The following PABIR3 variants were observed in gnomAD, a reference collection of about 807,000 sequenced individuals.
The protein encoded by PABIR3 is PABIR family member 1.
PABIR3 carries 20 observed loss-of-function variants against 23.1 expected under a neutral mutation model. The ratio of observed to expected loss-of-function variants is 0.86; its 90% CI spans 0.61 to 1.26. The LOEUF (loss-of-function observed/expected upper bound fraction) is 1.26, where lower values mean the gene tolerates loss of function less well. Ranked by LOEUF, PABIR3 falls within the 50% of genes most tolerant of loss-of-function variation. The pLI, the probability that PABIR3 is intolerant of heterozygous loss-of-function variation, is 0.00. For missense variants in PABIR3, 189 were observed against 195.4 expected (o/e 0.97, Z 0.20); for synonymous variants, 69 against 68.5 (o/e 1.01, Z -0.04).
intron 6 of PABIR3, 95 bp from the exon 7 acceptor site, chrX:134,847,288 T>G: frequency 1.7e-6 from 1 of 595,285 alleles, no homozygotes; most frequent in Non-Finnish European, 2.7e-6. Context: ...AGTGACTCAG[T>G]AGTAAGGACT....
In PABIR3 at chrX:134,847,392, G is replaced by A. The variant is rs1346852794; in HGVS notation, c.355G>A (p.Gly119Ser). The A allele has an allele frequency of 1.7e-6, 2 of 1,200,901 alleles. No homozygotes were observed. Among genetic ancestry groups the A allele is most frequent in the African/African-American group, 3.5e-5 (2 of 57,015 alleles). The stretch of plus-strand genomic sequence containing the variant: ...CTTTCTGCTTACACAGAATGACAAT[G>A]GCTTACAGAAATCATCCTCTCTAAA... Reference protein sequence around the residue: ...WEEGLKLNDNGLQKSSSLKCI... With the variant: ...WEEGLKLNDNSLQKSSSLKCI... Residue 119 changes from glycine (G) to serine (S), a missense_variant, in exon 7 of 11, where the codon GGC becomes AGC. Transcript: ENST00000645433.
intron 4 of PABIR3, among the ~76,000 whole-genome samples, chrX:134,842,208 T>C (rs1357832809): frequency 1.8e-5 from 2 of 112,416 alleles, no homozygotes; most frequent in African/African-American, 6.5e-5. Context: ...GAGTTCTGTA[T>C]ATATTTTGGA....
At chrX:134,848,395 A>G (rs1452693511) in intron 8 of PABIR3, among the ~76,000 whole-genome samples, 1 of 111,084 alleles carries the variant, frequency 9.0e-6, no homozygotes, top group African/African-American at 3.3e-5. Flanking sequence ...CATCTCAAAA[A>G]AAAAAAAAAG....
chrX:134,861,669 G>T, the PABIR3 span, among the ~76,000 whole-genome samples: 1 of 72,655 alleles, frequency 1.4e-5, no homozygotes, highest in East Asian at 4.4e-4. Context: ...GCGAGACTCC[G>T]CCTCAAAAAA....
chrX:134,853,994 G>A, intron 10 of PABIR3, 97 bp from the exon 11 acceptor site: 1 of 925,039 alleles, frequency 1.1e-6, no homozygotes, highest in Non-Finnish European at 1.5e-6. Flanking sequence ...AGTGCCAGTT[G>A]TTAGTCATGT....
At chrX:134,807,219 C>G (rs778580462), upstream of PABIR3, 2 of 837,275 alleles carry the variant, frequency 2.4e-6, no homozygotes, top group East Asian at 7.3e-5. Context: ...TTGTCAAAGG[C>G]GGCAGATTGT....
intron 3 of PABIR3, among the ~76,000 whole-genome samples, chrX:134,821,088 G>GTATATATATA (rs532535490): frequency 9.3e-5 from 9 of 96,853 alleles, no homozygotes; most frequent in Non-Finnish European, 1.8e-4. Flanking sequence ...GTGTGTGTGT[G>GTATATATATA]TATATATATA....
intron 6 of PABIR3, among the ~76,000 whole-genome samples, chrX:134,845,905 ATGAAC>A (rs1314794898): frequency 8.9e-6 from 1 of 112,168 alleles, no homozygotes; most frequent in African/African-American, 3.2e-5. Context: ...TCCATAATTT[ATGAAC>A]TATATATTAG....
chrX:134,848,073 G>C, intron 8 of PABIR3, 102 bp downstream of exon 8: 2 of 698,543 alleles, frequency 2.9e-6, no homozygotes, highest in Non-Finnish European at 4.2e-6. Context: ...CCAAAGAAGT[G>C]ACTTCTTTTT....
downstream of PABIR3, among the ~76,000 whole-genome samples, chrX:134,859,201 A>G (rs1041818028): frequency 2.7e-5 from 3 of 111,555 alleles, no homozygotes; most frequent in Non-Finnish European, 5.6e-5. Context: ...CTAGTTATTT[A>G]TAAGGTCCCT....
intron 4 of PABIR3, among the ~76,000 whole-genome samples, chrX:134,843,211 A>G (rs776950630): frequency 3.5e-4 from 39 of 111,021 alleles, no homozygotes; most frequent in African/African-American, 1.2e-3. Context: ...AAAAAAAAAA[A>G]AGTTTTTTAA....
chrX:134,821,042 A>G (rs913454289), intron 3 of PABIR3, among the ~76,000 whole-genome samples: 1 of 100,233 alleles, frequency 1.0e-5, no homozygotes, highest in Non-Finnish European at 2.0e-5. Context: ...ATATATACAC[A>G]TATATATGTA....
chrX:134,843,550 A>AAAGGCTT (rs1043944554), intron 4 of PABIR3, among the ~76,000 whole-genome samples: 5 of 101,759 alleles, frequency 4.9e-5, no homozygotes, highest in Non-Finnish European at 2.0e-5. Flanking sequence ...TGTATTATGT[A>AAAGGCTT]AAGGCTTATT....
chrX:134,849,265 A>C (rs2082541275), intron 9 of PABIR3, 37 bp downstream of exon 9: 1 of 602,859 alleles, frequency 1.7e-6, no homozygotes, highest in Non-Finnish European at 2.2e-6. Context: ...ATATAACTTT[A>C]AGTTATTTTA....
chrX:134,814,703 CAA>C (rs201263798), intron 2 of PABIR3, 66 bp from the exon 3 acceptor site: 13,434 of 600,651 alleles, frequency 0.022, no homozygotes, highest in Admixed American at 0.031. Flanking sequence ...GACTCCGTCT[CAA>C]AAAAAAAAAA....
upstream of PABIR3, among the ~76,000 whole-genome samples, chrX:134,802,353 G>A (rs2080089919): frequency 9.0e-6 from 1 of 111,714 alleles, no homozygotes; most frequent in Non-Finnish European, 1.9e-5. Context: ...CCAAAGTGCT[G>A]GGATTACAGG....
chrX:134,810,509 T>A (rs988854710), intron 2 of PABIR3: 34 of 751,940 alleles, frequency 4.5e-5, no homozygotes, highest in Non-Finnish European at 7.8e-6. Flanking sequence ...ATGTGTGACA[T>A]CCCTGAGATT....
intron 9 of PABIR3, among the ~76,000 whole-genome samples, chrX:134,849,557 G>C (rs1293304047): frequency 1.8e-5 from 2 of 111,532 alleles, no homozygotes; most frequent in Non-Finnish European, 3.8e-5. Context: ...GAGTGAGTCA[G>C]TCATCAAGTA....
intron 4 of PABIR3, among the ~76,000 whole-genome samples, chrX:134,838,004 G>A (rs1053220764): frequency 2.7e-5 from 3 of 111,393 alleles, no homozygotes; most frequent in Admixed American, 9.6e-5. Context: ...CTCATTTTCT[G>A]TACCTCATTG....
Sources: gnomAD v4.1 joint callset for allele counts (sites outside exome capture counted in the v4.1 genomes callset) on GRCh38, gnomAD v4.1.1 for gene constraint, MANE v1.5 for transcripts, NCBI Gene and HGNC (gene_info 2026-07-23, HGNC 2026-07-21) for gene names.